Variants in FAT3 observed in about 807,000 individuals in gnomAD.
FAT3 encodes protocadherin Fat 3.
A neutral mutation model predicts 310.2 loss-of-function variants in FAT3; 95 were observed. That is an observed-to-expected ratio of 0.31 (90% CI 0.26 to 0.36). The LOEUF (loss-of-function observed/expected upper bound fraction) is 0.36, where lower values mean the gene tolerates loss of function less well. Among genes scored for constraint, FAT3 ranks in the 10% least tolerant of loss-of-function variants. The pLI, the probability that FAT3 is intolerant of heterozygous loss-of-function variation, is 1.00. For synonymous variants in FAT3, 2,314 were observed against 2,192.9 expected (o/e 1.06, Z -1.54); for missense variants, 5,408 against 5,715.6 (o/e 0.95, Z 1.74).
chr11:92,354,782 C>A lies in FAT3; in HGVS notation c.2670C>A (p.Asp890Glu), dbSNP rs1377497566. 6.2e-7 allele frequency: 1 copy of A among 1,613,880 alleles called. No individual in the cohort carries two copies. The highest frequency in any genetic ancestry group is 1.7e-5 in the Admixed American group (1 of 59,960). Reference protein sequence around the residue: ...NSSTGIVYVADQLDRESKANY... With the variant: ...NSSTGIVYVAEQLDRESKANY... ...CAACTGGAATCGTTTATGTAGCCGA[C>A]CAGTTGGACCGGGAATCCAAAGCCA... Residue 890 changes from aspartate (D) to glutamate (E), a missense_variant, in exon 2 of 28, where the codon GAC (aspartate) becomes GAA (glutamate). Coordinates refer to ENST00000525166, the MANE Select transcript of FAT3 (RefSeq NM_001367949.2).
intron 2 of FAT3, among the ~76,000 whole-genome samples, chr11:92,449,253 G>A (rs1951293047): frequency 6.6e-6 from 1 of 152,184 alleles, no homozygotes; most frequent in Non-Finnish European, 1.5e-5. Flanking sequence ...GAAATGCTAA[G>A]TTGGTGGATG....
In FAT3 at chr11:92,809,705, T is replaced by A. The variant is rs922755398; in HGVS notation, c.9248-138T>A. 15 of 647,008 alleles carry A rather than the reference T, an allele frequency of 2.3e-5. No homozygotes were observed. The African/African-American group carries it at 2.8e-4, about 12-fold the overall frequency. The allele number at this position is 647,008 out of a possible 1,614,324, so 40.1% of individuals were successfully genotyped here. A position where few individuals can be genotyped will look rare whatever the true frequency, so the allele number is the denominator to read the frequency against. ...ATAAACTGTTGAATTTGCTACATTT[T>A]TAAAGTATGGGACACTTGGGCCAAA... On this transcript the variant is annotated intron_variant, in intron 12 of 27. Transcript: ENST00000525166.
chr11:92,712,782 G>T (rs1003114032), intron 4 of FAT3, among the ~76,000 whole-genome samples: 1 of 152,152 alleles, frequency 6.6e-6, no homozygotes, highest in Non-Finnish European at 1.5e-5. Flanking sequence ...GGGCAGTTCC[G>T]AAACTGTAGC....
chr11:92,890,873 C>T lies in FAT3; in HGVS notation c.13530C>T (p.Ala4510=), dbSNP rs2136447794. Residue 4510 remains alanine (A), a synonymous_variant, in exon 28 of 28, where the codon GCC becomes GCT. Transcript: ENST00000525166. ...PNETDLVGPP[A]SCEFSTFAVS... is the part of the protein sequence containing the mutation. ...AAACGGATTTGGTGGGCCCGCCTGC[C>T]AGCTGTGAATTTAGTACTTTTGCTG... 2 of 1,613,988 alleles carry T rather than the reference C, an allele frequency of 1.2e-6. No homozygotes were observed. The highest frequency in any genetic ancestry group is 1.1e-5 in the South Asian group (1 of 91,078).
chr11:92,679,099 G>C lies in FAT3; in HGVS notation c.3608-18285G>C, dbSNP rs148608583. 6.9e-4 allele frequency among the ~76,000 whole-genome samples: 105 copies of C among 152,136 alleles called. 1 individual carries two copies. Among genetic ancestry groups the C allele is most frequent in the African/African-American group, 2.2e-3 (90 of 41,490 alleles). ...GTTTCACTTAAGGTAATGACCTCCA[G>C]TTCCATCCATGTCGCTGCAAGAGAC... On this transcript the variant is annotated intron_variant, in intron 3 of 27. Transcript: ENST00000525166.
intron 4 of FAT3, among the ~76,000 whole-genome samples, chr11:92,715,982 A>G (rs910589447): frequency 3.9e-5 from 6 of 152,106 alleles, no homozygotes; most frequent in Non-Finnish European, 5.9e-5. Flanking sequence ...TACTTGATGA[A>G]ATACAGAACC....
intron 2 of FAT3, among the ~76,000 whole-genome samples, chr11:92,386,087 G>T (rs1359575378): frequency 6.6e-6 from 1 of 152,154 alleles, no homozygotes; most frequent in Non-Finnish European, 1.5e-5. Flanking sequence ...ATTTGAGGCT[G>T]CAGTGAGTGC....
At chr11:92,306,398 A>G (rs114091093) in intron 1 of FAT3, among the ~76,000 whole-genome samples, 1 of 148,028 alleles carries the variant, frequency 6.8e-6, no homozygotes, top group South Asian at 2.1e-4. Flanking sequence ...TATTTACTGT[A>G]AAGTTTTTGT....
chr11:92,429,568 A>G (rs1379045879), intron 2 of FAT3, among the ~76,000 whole-genome samples: 1 of 152,198 alleles, frequency 6.6e-6, no homozygotes, highest in East Asian at 1.9e-4. Flanking sequence ...CTTGTAAGGC[A>G]GGCCTGGTGG....
intron 1 of FAT3, among the ~76,000 whole-genome samples, chr11:92,338,401 G>A (rs1948148463): frequency 6.6e-6 from 1 of 152,102 alleles, no homozygotes; most frequent in South Asian, 2.1e-4. Flanking sequence ...ATATTAAGGA[G>A]AGGCATTTAA....
chr11:92,354,714 T>A lies in FAT3; in HGVS notation c.2602T>A (p.Tyr868Asn), dbSNP rs1948681866. 1 of 1,613,910 alleles carries A rather than the reference T, an allele frequency of 6.2e-7. No individual in the cohort carries two copies. Among genetic ancestry groups the A allele is most frequent in the Non-Finnish European group, 8.5e-7 (1 of 1,179,874 alleles). ...CTTAGGTTCTAATGGTGAAGTGACT[T>A]ACTCAGTCTTGACAGATACACAGCA... ...KDLGSNGEVT[Y>N]SVLTDTQQFA... The change falls in exon 2 of 28, where the codon TAC becomes AAC. Residue 868 changes from tyrosine to asparagine, a missense_variant. Transcript: ENST00000525166.
intron 2 of FAT3, among the ~76,000 whole-genome samples, chr11:92,481,057 A>G (rs1952210501): frequency 2.0e-5 from 3 of 152,202 alleles, no homozygotes; most frequent in Admixed American, 2.0e-4. Context: ...ATTTAAGAGA[A>G]ACTGAACTGA....
chr11:92,416,376 T>G (rs540979333), intron 2 of FAT3, among the ~76,000 whole-genome samples: 1 of 139,288 alleles, frequency 7.2e-6, no homozygotes, highest in South Asian at 2.2e-4. Context: ...AGGGTGAGAC[T>G]CCATCTCAAA....
intron 1 of FAT3, among the ~76,000 whole-genome samples, chr11:92,255,080 G>A (rs1298673524): frequency 2.6e-5 from 4 of 152,002 alleles, no homozygotes; most frequent in Non-Finnish European, 4.4e-5. Flanking sequence ...AAAATTTATA[G>A]CAGCAAATAT....
chr11:92,751,865 G>A (rs12221679), intron 4 of FAT3, among the ~76,000 whole-genome samples: 51,144 of 151,860 alleles, frequency 0.34, 8,930 homozygotes, highest in African/African-American at 0.39. Context: ...GTCACTTTCC[G>A]GCTGAATGGC....
intron 1 of FAT3, among the ~76,000 whole-genome samples, chr11:92,257,029 C>T (rs368676139): frequency 6.6e-6 from 1 of 151,982 alleles, no homozygotes; most frequent in Non-Finnish European, 1.5e-5. Context: ...GGTTTTAGAA[C>T]TCTGTAACCT....
chr11:92,831,934 T>C lies in FAT3; in HGVS notation c.9794T>C (p.Ile3265Thr), dbSNP rs775677465. The C allele has an allele frequency of 3.7e-6, 6 of 1,601,486 alleles. No homozygotes were observed. Among genetic ancestry groups the C allele is most frequent in the East Asian group, 2.3e-5 (1 of 44,432 alleles). ...GCTGTTTTTGCCACCAGCAAAGATA[T>C]TGGCACAAATGCTGAGATCACTTAT... ...VLAVFATSKD[I>T]GTNAEITYLI... Residue 3265 changes from isoleucine to threonine, a missense_variant, in exon 14 of 28, where the codon ATT becomes ACT. Coordinates refer to ENST00000525166, the MANE Select transcript of FAT3 (RefSeq NM_001367949.2).
chr11:92,646,840 T>C (rs749504902), intron 3 of FAT3, among the ~76,000 whole-genome samples: 15 of 152,296 alleles, frequency 9.8e-5, no homozygotes, highest in Non-Finnish European at 1.9e-4. Flanking sequence ...AGTACATTAG[T>C]GATAAAAGGA....
intron 2 of FAT3, among the ~76,000 whole-genome samples, chr11:92,359,933 T>C (rs1948837120): frequency 7.0e-6 from 1 of 143,836 alleles, no homozygotes; most frequent in East Asian, 2.0e-4. Context: ...AATGCCGCAA[T>C]AAACATACGT....
Sources: gnomAD v4.1 joint callset for allele counts (sites outside exome capture counted in the v4.1 genomes callset) on GRCh38, gnomAD v4.1.1 for gene constraint, MANE v1.5 for transcripts, NCBI Gene and HGNC (gene_info 2026-07-23, HGNC 2026-07-21) for gene names.